Variants in DNAH5 observed in about 807,000 individuals in gnomAD.
DNAH5 encodes axonemal beta dynein heavy chain 5.
Under a neutral mutation model 518.2 loss-of-function variants are expected in DNAH5, and 372 were observed. That is an observed-to-expected ratio of 0.72 (90% confidence interval 0.66 to 0.78). DNAH5 has a LOEUF of 0.78. Among genes scored for constraint, DNAH5 ranks in the 30% least tolerant of loss-of-function variants. The pLI, the probability that DNAH5 is intolerant of heterozygous loss-of-function variation, is 0.00. For synonymous variants in DNAH5, 2,039 were observed against 2,025.9 expected (o/e 1.01, Z -0.17); for missense variants, 5,523 against 5,687.0 (o/e 0.97, Z 0.93).
intron 50 of DNAH5, among the ~76,000 whole-genome samples, chr5:13,791,355 C>G (rs1289869484): frequency 3.9e-5 from 6 of 152,186 alleles, no homozygotes; most frequent in Admixed American, 3.9e-4. Context: ...CAAAAGCATA[C>G]TGGATTTTCA....
chr5:13,702,601 T>C (rs929359449), intron 76 of DNAH5, among the ~76,000 whole-genome samples: 4 of 152,110 alleles, frequency 2.6e-5, no homozygotes, highest in Non-Finnish European at 5.9e-5. Flanking sequence ...TCTCCCTCTG[T>C]CCTTGGCAAT....
intron 55 of DNAH5, among the ~76,000 whole-genome samples, chr5:13,775,480 A>T (rs991920466): frequency 1.3e-5 from 2 of 152,138 alleles, no homozygotes; most frequent in Non-Finnish European, 2.9e-5. Context: ...ATAGATAATT[A>T]ATAGATATTT....
intron 6 of DNAH5, 112 bp downstream of exon 6, chr5:13,920,368 G>T: frequency 7.0e-7 from 1 of 1,432,394 alleles, no homozygotes. Flanking sequence ...CCTCCTCAAG[G>T]ATTTACAGTA....
At chr5:13,778,618 A>C (rs1183137633) in intron 53 of DNAH5, among the ~76,000 whole-genome samples, 1 of 139,458 alleles carries the variant, frequency 7.2e-6, no homozygotes, top group Admixed American at 7.1e-5. Flanking sequence ...AAGAAAAAGA[A>C]AGAAAGAAAA....
intron 53 of DNAH5, among the ~76,000 whole-genome samples, chr5:13,778,578 G>GAA (rs1561234303): frequency 1.3e-5 from 1 of 74,946 alleles, no homozygotes; most frequent in Admixed American, 1.2e-4. Flanking sequence ...AAGAAAGAAA[G>GAA]AAAGAAAGAA....
chr5:13,921,757 C>CCCG (rs1554104141), intron 5 of DNAH5, among the ~76,000 whole-genome samples: 2 of 135,542 alleles, frequency 1.5e-5, no homozygotes, highest in East Asian at 2.3e-4. Flanking sequence ...CACACCCCCC[C>CCCG]ACACACACAC....
chr5:13,844,454 A>G (rs113781222), intron 32 of DNAH5, among the ~76,000 whole-genome samples: 4 of 152,196 alleles, frequency 2.6e-5, no homozygotes, highest in African/African-American at 9.7e-5. Flanking sequence ...AAAAGTTTGA[A>G]TAAAGTATGC....
chr5:13,851,057 C>G (rs1367613252), intron 30 of DNAH5, among the ~76,000 whole-genome samples: 1 of 152,044 alleles, frequency 6.6e-6, no homozygotes, highest in Non-Finnish European at 1.5e-5. Flanking sequence ...TAAGTTACAA[C>G]AAGAAATGAA....
chr5:13,987,735 T>A (rs1373885448), intron 1 of DNAH5, among the ~76,000 whole-genome samples: 1 of 151,492 alleles, frequency 6.6e-6, no homozygotes, highest in Non-Finnish European at 1.5e-5. Context: ...ACGCCTATAG[T>A]CCCAGCTACT....
chr5:13,997,747 T>C (rs533221243), intron 1 of DNAH5, among the ~76,000 whole-genome samples: 2 of 152,180 alleles, frequency 1.3e-5, no homozygotes, highest in Non-Finnish European at 2.9e-5. Flanking sequence ...AGCACCCCAC[T>C]TCTGGTACCA....
chr5:13,905,766 T>C (rs1284512561), intron 12 of DNAH5, among the ~76,000 whole-genome samples: 3 of 152,192 alleles, frequency 2.0e-5, no homozygotes, highest in African/African-American at 7.2e-5. Flanking sequence ...GCAATCATAC[T>C]TCTTGGTACT....
At chr5:13,951,965 T>C (rs1052302151) in intron 1 of DNAH5, among the ~76,000 whole-genome samples, 2 of 152,250 alleles carry the variant, frequency 1.3e-5, no homozygotes, top group Non-Finnish European at 2.9e-5. Flanking sequence ...AATCATGTTG[T>C]CTTCCTATAG....
intron 1 of DNAH5, among the ~76,000 whole-genome samples, chr5:13,957,619 T>C (rs999220277): frequency 5.3e-5 from 8 of 151,830 alleles, no homozygotes; most frequent in Admixed American, 1.3e-4. Context: ...AGATGGTACA[T>C]TGAAGAGGCA....
At chr5:13,834,078 G>A (rs1764046481) in intron 35 of DNAH5, among the ~76,000 whole-genome samples, 1 of 152,170 alleles carries the variant, frequency 6.6e-6, no homozygotes, top group South Asian at 2.1e-4. Flanking sequence ...TGGAATCTCA[G>A]TTACTATCGA....
At chr5:13,803,989 T>C (rs1759170422) in intron 47 of DNAH5, among the ~76,000 whole-genome samples, 1 of 152,196 alleles carries the variant, frequency 6.6e-6, no homozygotes, top group Admixed American at 6.5e-5. Context: ...TTTATAATTA[T>C]TTTTAGAAAT....
chr5:13,836,304 C>T (rs1580494944), intron 35 of DNAH5, among the ~76,000 whole-genome samples: 1 of 152,216 alleles, frequency 6.6e-6, no homozygotes, highest in African/African-American at 2.4e-5. Context: ...GGGAGAGAAG[C>T]CCTGGTTTGA....
chr5:13,851,466 C>T (rs1766823147), intron 30 of DNAH5, among the ~76,000 whole-genome samples: 1 of 152,066 alleles, frequency 6.6e-6, no homozygotes, highest in African/African-American at 2.4e-5. Context: ...TGCCACCATG[C>T]CTAGCTAAAT....
At chr5:13,947,902 A>G (rs1448900301), upstream of DNAH5, among the ~76,000 whole-genome samples, 1 of 152,328 alleles carries the variant, frequency 6.6e-6, no homozygotes. Context: ...GCTTTACCAT[A>G]TTGAAATGTG....
Position 13,750,986 on chromosome 5 carries a change from T to C in DNAH5, c.11211+92A>G, listed in dbSNP as rs1331066117. 53 of 1,366,962 alleles carry C rather than the reference T, an allele frequency of 3.9e-5. No individual in the cohort carries two copies. The East Asian group carries it at 1.2e-3, about 32-fold the overall frequency. The allele number at this position is 1,366,962 out of a possible 1,614,324, so 84.7% of individuals were successfully genotyped here. ...ACACAGGGAATAAAAGGAGAGAAACTCAGTCCTATTACAACTGTTATTATC... is the reference window on the plus strand; with the variant it reads ...ACACAGGGAATAAAAGGAGAGAAACCCAGTCCTATTACAACTGTTATTATC... On this transcript the variant is annotated intron_variant, in intron 65 of 78. Coordinates refer to ENST00000265104, the MANE Select transcript of DNAH5 (RefSeq NM_001369.3).
Sources: allele counts gnomAD v4.1 joint callset (sites outside exome capture counted in the v4.1 genomes callset), GRCh38; gene constraint gnomAD v4.1.1; transcripts MANE v1.5; gene names NCBI Gene and HGNC (gene_info 2026-07-23, HGNC 2026-07-21).